CPS1: variants seen among roughly 807,000 people sequenced by gnomAD.
CPS1 encodes the protein carbamoyl-phosphate synthase [ammonia], mitochondrial.
CPS1 carries 109 observed loss-of-function variants against 174.6 expected under a neutral mutation model. The ratio of observed to expected loss-of-function variants is 0.62; its 90% confidence interval spans 0.53 to 0.73. CPS1 has a LOEUF of 0.73. Among genes scored for constraint, CPS1 ranks in the 30% least tolerant of loss-of-function variants. The pLI is 0.00. For synonymous variants in CPS1, 637 were observed against 632.0 expected (o/e 1.01, Z -0.12); for missense variants, 1,689 against 1,821.9 (o/e 0.93, Z 1.33).
chr2:210,562,200 T>G (rs1210651194), intron 1 of CPS1, among the ~76,000 whole-genome samples: 3 of 152,246 alleles, frequency 2.0e-5, no homozygotes, highest in Non-Finnish European at 4.4e-5. Context: ...TTCATAAATC[T>G]TAATCTTTTG....
chr2:210,630,175 T>C (rs1699825197), intron 21 of CPS1, among the ~76,000 whole-genome samples: 1 of 152,116 alleles, frequency 6.6e-6, no homozygotes, highest in African/African-American at 2.4e-5. Context: ...TTAAGCGTTT[T>C]TCTTCATCAT....
intron 21 of CPS1, among the ~76,000 whole-genome samples, chr2:210,626,292 CAAAT>C (rs1699696033): frequency 6.6e-6 from 1 of 151,872 alleles, no homozygotes; most frequent in Non-Finnish European, 1.5e-5. Flanking sequence ...GATAATATAA[CAAAT>C]AAACTTTCTT....
At chr2:210,647,329 T>A (rs916579965) in intron 25 of CPS1, among the ~76,000 whole-genome samples, 5 of 152,068 alleles carry the variant, frequency 3.3e-5, no homozygotes, top group Admixed American at 6.6e-5. Flanking sequence ...AGAGGGGTGA[T>A]AATAGATAAG....
chr2:210,504,842 G>A (rs1179220511), intron 1 of CPS1, among the ~76,000 whole-genome samples: 4 of 152,172 alleles, frequency 2.6e-5, no homozygotes, highest in African/African-American at 9.6e-5. Context: ...TTCCTTCTCA[G>A]TTGTGACTGG....
chr2:210,609,889 G>A (rs1447649027), intron 19 of CPS1, among the ~76,000 whole-genome samples: 1 of 151,722 alleles, frequency 6.6e-6, no homozygotes, highest in Non-Finnish European at 1.5e-5. Context: ...ATGCTTTACT[G>A]GTCTATCATA....
chr2:210,537,047 TA>T, intron 1 of CPS1, among the ~76,000 whole-genome samples: 1 of 152,338 alleles, frequency 6.6e-6, no homozygotes, highest in Non-Finnish European at 1.5e-5. Context: ...TTCACTTCCT[TA>T]ATGATACCAG....
chr2:210,659,537 A>T (rs1205648781), intron 31 of CPS1, among the ~76,000 whole-genome samples: 1 of 152,156 alleles, frequency 6.6e-6, no homozygotes, highest in South Asian at 2.1e-4. Flanking sequence ...TCCAGCTTCC[A>T]TCATGGCCAC....
chr2:210,657,374 G>C (rs1234253111), intron 30 of CPS1: 2 of 150,356 alleles, frequency 1.3e-5, no homozygotes, highest in East Asian at 3.9e-4. Flanking sequence ...GCAGTGGCGC[G>C]ATCTCGGCTG....
chr2:210,674,479 A>G, intron 34 of CPS1: 1 of 147,870 alleles, frequency 6.8e-6, no homozygotes, highest in East Asian at 1.7e-4. Context: ...CTCAAAAAAA[A>G]AAACCAAAAA....
intron 21 of CPS1, among the ~76,000 whole-genome samples, chr2:210,628,714 C>G (rs1045368114): frequency 6.6e-6 from 1 of 151,796 alleles, no homozygotes; most frequent in Non-Finnish European, 1.5e-5. Context: ...GCAGGAGAAT[C>G]GCCTGAACTG....
intron 1 of CPS1, among the ~76,000 whole-genome samples, chr2:210,512,138 A>T (rs1200145585): frequency 6.6e-6 from 1 of 152,088 alleles, no homozygotes; most frequent in Non-Finnish European, 1.5e-5. Flanking sequence ...TTGTTTCTAA[A>T]GCCCGAAACA....
At chr2:210,643,779 A>T (rs1700295528) in intron 25 of CPS1, among the ~76,000 whole-genome samples, 1 of 152,056 alleles carries the variant, frequency 6.6e-6, no homozygotes, top group South Asian at 2.1e-4. Flanking sequence ...CATTAAATAG[A>T]ATATATAGCA....
intron 1 of CPS1, among the ~76,000 whole-genome samples, chr2:210,545,520 T>C (rs1163006763): frequency 6.6e-6 from 1 of 152,074 alleles, no homozygotes; most frequent in Non-Finnish European, 1.5e-5. Context: ...TATAATTTCA[T>C]AAGTTTTTGA....
intron 24 of CPS1, among the ~76,000 whole-genome samples, chr2:210,640,331 C>T (rs1386387979): frequency 1.3e-5 from 2 of 152,108 alleles, no homozygotes; most frequent in African/African-American, 4.8e-5. Context: ...TGAATTGAGC[C>T]TTTCACTGGA....
At chr2:210,641,003 T>C (rs1349409083) in intron 24 of CPS1, among the ~76,000 whole-genome samples, 3 of 152,210 alleles carry the variant, frequency 2.0e-5, no homozygotes, top group Non-Finnish European at 4.4e-5. Flanking sequence ...TGGTGAGACA[T>C]AGGTCTCTGC....
At chr2:210,595,633 T>C (rs767255069) in intron 13 of CPS1, 51 bp downstream of exon 13, 2 of 1,202,382 alleles carry the variant, frequency 1.7e-6, no homozygotes, top group Non-Finnish European at 1.2e-6. Context: ...TTAATGAGTC[T>C]AATTAGTATT....
chr2:210,551,446 G>T (rs1696728551), intron 1 of CPS1, among the ~76,000 whole-genome samples: 1 of 152,046 alleles, frequency 6.6e-6, no homozygotes, highest in East Asian at 1.9e-4. Context: ...TACTTGGTCT[G>T]GGAGTAGTGT....
chr2:210,528,242 G>A (rs1350558452), intron 1 of CPS1, among the ~76,000 whole-genome samples: 1 of 151,510 alleles, frequency 6.6e-6, no homozygotes, highest in East Asian at 2.0e-4. Context: ...TTACCCCACC[G>A]CAGAAAACAG....
chr2:210,493,108 G>A (rs1001415684), intron 1 of CPS1, among the ~76,000 whole-genome samples: 2 of 152,110 alleles, frequency 1.3e-5, no homozygotes, highest in African/African-American at 4.8e-5. Flanking sequence ...TTATATATTA[G>A]TGAAAATAAA....
Sources: allele counts gnomAD v4.1 joint callset (sites outside exome capture counted in the v4.1 genomes callset), GRCh38; gene constraint gnomAD v4.1.1; transcripts MANE v1.5; gene names NCBI Gene and HGNC (gene_info 2026-07-23, HGNC 2026-07-21).